RAD51B: variants seen among roughly 807,000 people sequenced by gnomAD.
RAD51B encodes the protein DNA repair protein RAD51 homolog 2.
In RAD51B, 38 loss-of-function variants were observed where a neutral mutation model predicts 42.2. The observed-to-expected ratio is 0.90, with a 90% confidence interval of 0.70 to 1.18. The LOEUF (loss-of-function observed/expected upper bound fraction) is 1.18, where lower values mean the gene tolerates loss of function less well. RAD51B is among the 50% of genes most tolerant of loss of function. The pLI is 0.00. For synonymous variants in RAD51B, 154 were observed against 145.2 expected (o/e 1.06, Z -0.43); for missense variants, 373 against 400.7 (o/e 0.93, Z 0.59).
intron 7 of RAD51B, among the ~76,000 whole-genome samples, chr14:68,112,397 A>G (rs190718417): frequency 2.4e-4 from 37 of 152,164 alleles, no homozygotes; most frequent in African/African-American, 8.7e-4. Flanking sequence ...AGTCTCTCCT[A>G]TAGCTGAAGT....
At chr14:68,625,023 A>G (rs1892043926) in intron 10 of RAD51B, among the ~76,000 whole-genome samples, 1 of 152,100 alleles carries the variant, frequency 6.6e-6, no homozygotes, top group African/African-American at 2.4e-5. Flanking sequence ...ATTTTTACTG[A>G]TAAGATGCTA....
intron 7 of RAD51B, among the ~76,000 whole-genome samples, chr14:68,037,043 CCTT>C: frequency 2.2e-5 from 2 of 91,756 alleles, no homozygotes; most frequent in African/African-American, 4.6e-5. Flanking sequence ...TCCCCCCCTC[CCTT>C]CCTTCCTTCC....
At chr14:68,424,212 T>C (rs2084779763) in intron 9 of RAD51B, among the ~76,000 whole-genome samples, 1 of 152,218 alleles carries the variant, frequency 6.6e-6, no homozygotes, top group African/African-American at 2.4e-5. Flanking sequence ...TTCATTTTTT[T>C]CCTTGCAAAG....
chr14:67,884,239 C>T, intron 5 of RAD51B, among the ~76,000 whole-genome samples: 1 of 152,152 alleles, frequency 6.6e-6, no homozygotes, highest in East Asian at 1.9e-4. Context: ...TATCCATTGA[C>T]CACCATTCCT....
chr14:68,036,572 C>T (rs545995742), intron 7 of RAD51B, among the ~76,000 whole-genome samples: 1 of 152,122 alleles, frequency 6.6e-6, no homozygotes, highest in Non-Finnish European at 1.5e-5. Flanking sequence ...TAACTTTTCT[C>T]TCTTTATACT....
chr14:67,917,468 C>T (rs1334158343), intron 7 of RAD51B, among the ~76,000 whole-genome samples: 1 of 152,136 alleles, frequency 6.6e-6, no homozygotes, highest in Non-Finnish European at 1.5e-5. Context: ...AAGACAGCAG[C>T]GAGCCATGAG....
intron 7 of RAD51B, among the ~76,000 whole-genome samples, chr14:68,099,076 C>T (rs1242254510): frequency 2.0e-5 from 3 of 152,192 alleles, no homozygotes; most frequent in African/African-American, 4.8e-5. Flanking sequence ...CAAAACTCCT[C>T]CTTTCTTTAA....
At chr14:67,980,186 TGTGA>T (rs1036874408) in intron 7 of RAD51B, among the ~76,000 whole-genome samples, 1 of 152,146 alleles carries the variant, frequency 6.6e-6, no homozygotes, top group African/African-American at 2.4e-5. Flanking sequence ...GGCTCATGCC[TGTGA>T]TAACAGCACT....
chr14:68,491,979 G>A (rs1354018907), intron 10 of RAD51B, among the ~76,000 whole-genome samples: 4 of 152,146 alleles, frequency 2.6e-5, no homozygotes, highest in Admixed American at 6.5e-5. Context: ...CTGCTTCTTC[G>A]CCTCTCACAG....
chr14:68,569,525 A>T (rs779238116), intron 10 of RAD51B, among the ~76,000 whole-genome samples: 32 of 152,312 alleles, frequency 2.1e-4, no homozygotes, highest in Non-Finnish European at 3.7e-4. Context: ...GGGAACTTGG[A>T]TATAGGGCAA....
At chr14:67,922,142 A>G (rs141494773) in intron 7 of RAD51B, among the ~76,000 whole-genome samples, 26 of 152,238 alleles carry the variant, frequency 1.7e-4, no homozygotes, top group African/African-American at 5.8e-4. Flanking sequence ...TGAAGTGCCA[A>G]CTTAATGAAT....
chr14:67,898,524 A>AATGT (rs2043499862), intron 7 of RAD51B, among the ~76,000 whole-genome samples: 1 of 152,222 alleles, frequency 6.6e-6, no homozygotes, highest in African/African-American at 2.4e-5. Flanking sequence ...AGTGAACAGT[A>AATGT]ATGTATACTT....
chr14:68,275,295 GA>G (rs991082524), intron 7 of RAD51B, among the ~76,000 whole-genome samples: 1 of 152,150 alleles, frequency 6.6e-6, no homozygotes, highest in Admixed American at 6.6e-5. Flanking sequence ...AAATTTATAT[GA>G]AAGTAACATT....
intron 8 of RAD51B, among the ~76,000 whole-genome samples, chr14:68,358,540 T>C (rs1363557065): frequency 6.6e-6 from 1 of 152,256 alleles, no homozygotes; most frequent in Admixed American, 6.5e-5. Context: ...TAATTTTTTT[T>C]CTCAATCTTT....
intron 10 of RAD51B, among the ~76,000 whole-genome samples, chr14:68,609,174 T>C (rs910135666): frequency 2.0e-5 from 3 of 152,162 alleles, no homozygotes; most frequent in African/African-American, 7.2e-5. Context: ...CACTCTCAAC[T>C]TTACTCAGGC....
At chr14:68,608,106 G>GC (rs1891526882) in intron 10 of RAD51B, among the ~76,000 whole-genome samples, 1 of 152,196 alleles carries the variant, frequency 6.6e-6, no homozygotes, top group South Asian at 2.1e-4. Context: ...CACAGCGCGT[G>GC]CCATGAGAGA....
chr14:68,030,425 G>C (rs1479860246), intron 7 of RAD51B, among the ~76,000 whole-genome samples: 1 of 152,090 alleles, frequency 6.6e-6, no homozygotes, highest in African/African-American at 2.4e-5. Context: ...GCTTCACCTT[G>C]CACTTCTATA....
At chr14:67,915,845 C>G (rs980467467) in intron 7 of RAD51B, among the ~76,000 whole-genome samples, 1 of 152,122 alleles carries the variant, frequency 6.6e-6, no homozygotes, top group Non-Finnish European at 1.5e-5. Flanking sequence ...GAGCCTGAAG[C>G]TTTTTTCCTC....
At chr14:68,234,640 TAA>T (rs1411923832) in intron 7 of RAD51B, among the ~76,000 whole-genome samples, 1 of 152,040 alleles carries the variant, frequency 6.6e-6, no homozygotes, top group African/African-American at 2.4e-5. Flanking sequence ...AATTAAACAG[TAA>T]ATATATGGTA....
Sources: gnomAD v4.1 joint callset for allele counts (sites outside exome capture counted in the v4.1 genomes callset) on GRCh38, gnomAD v4.1.1 for gene constraint, MANE v1.5 for transcripts, NCBI Gene and HGNC (gene_info 2026-07-23, HGNC 2026-07-21) for gene names.